CYTIP: variants seen among roughly 807,000 people sequenced by gnomAD.
CYTIP encodes cytohesin-interacting protein.
CYTIP carries 26 observed loss-of-function variants against 43.8 expected under a neutral mutation model. The observed-to-expected ratio is 0.59, with a 90% CI of 0.44 to 0.82. The LOEUF (loss-of-function observed/expected upper bound fraction) is 0.82, where lower values mean the gene tolerates loss of function less well. Ranked by LOEUF, CYTIP falls within the 40% of genes least tolerant of loss-of-function variation. CYTIP has a pLI of 0.00. For missense variants in CYTIP, 426 were observed against 443.1 expected, an observed-to-expected ratio of 0.96 and a Z score of 0.35; for synonymous variants, 162 against 162.9, an observed-to-expected ratio of 0.99 and a Z score of 0.04.
intron 2 of CYTIP, 93 bp downstream of exon 2, chr2:157,434,595 TAGAGAGAGAG>T (rs70987792): frequency 1.4e-5 from 10 of 705,984 alleles, no homozygotes; most frequent in Non-Finnish European, 2.2e-5. Context: ...TGTGTGTGCG[TAGAGAGAGAG>T]AGAGAGAGAG....
At position 157,415,147 on chromosome 2, in the gene CYTIP, T is replaced by C. The variant is rs75728962; in HGVS notation, c.*530A>G. ...CTTATACTTCCCGCTTTATTGTCAC[T>C]ATAGATGTGAGAAACAGCTGATGGT... is the stretch of plus-strand genomic sequence containing the variant. On this transcript the variant is annotated 3_prime_UTR_variant, in exon 8 of 8. Transcript: ENST00000264192. 0.011 allele frequency: 1,724 copies of C among 155,886 alleles called. 17 individuals carry two copies. The highest frequency in any genetic ancestry group is 0.017 in the Non-Finnish European group (1,204 of 70,200). 9.7% of individuals were successfully genotyped at this position (155,886 alleles called of 1,614,324 possible). A position where few individuals can be genotyped will look rare whatever the true frequency, so the allele number is the denominator to read the frequency against.
Position 157,415,796 on chromosome 2 carries a change from A to T in CYTIP, c.961T>A (p.Leu321Ile), listed in dbSNP as rs1286281904. ...GSMSPLWEGN[L>I]SSMFGTLPRK... ...GGCAGGGTCCCAAACATGCTTGATA[A>T]GTTGCCCTCCCACAAGGGAGACATG... The change falls in exon 8 of 8, where the codon TTA becomes ATA. Residue 321 changes from leucine (L) to isoleucine (I), a missense_variant. Physicochemically the swap from Leu to Ile is conservative, Grantham distance 5. Transcript: ENST00000264192. 5 of 1,614,184 alleles carry T rather than the reference A, an allele frequency of 3.1e-6. No homozygotes were observed. In the South Asian group the frequency reaches 5.5e-5, roughly 18 times the overall value.
Position 157,437,163 on chromosome 2 carries a change from T to A in CYTIP, c.175-2416A>T, listed in dbSNP as rs951306165. 7.9e-5 allele frequency among the ~76,000 whole-genome samples: 12 copies of A among 151,948 alleles called. No homozygotes were observed. The South Asian group carries it at 2.3e-3, about 29-fold the overall frequency. On this transcript the variant is annotated intron_variant, in intron 1 of 7. Transcript: ENST00000264192. ...TTTAGCATATTGGATTGGGAAAAAATTTTATGAATAAGACCTTCAAAAAAC... is the reference window on the plus strand; with the variant it reads ...TTTAGCATATTGGATTGGGAAAAAAATTTATGAATAAGACCTTCAAAAAAC...
intron 1 of CYTIP, among the ~76,000 whole-genome samples, chr2:157,440,705 A>C (rs1685895027): frequency 6.6e-6 from 1 of 152,176 alleles, no homozygotes; most frequent in African/African-American, 2.4e-5. Flanking sequence ...TAATGTGATA[A>C]CTAAAAGAAA....
chr2:157,435,017 A>G (rs961399492), intron 1 of CYTIP, among the ~76,000 whole-genome samples: 6 of 151,998 alleles, frequency 3.9e-5, no homozygotes, highest in African/African-American at 1.4e-4. Context: ...ACAGGATTCT[A>G]GGCATTCCAG....
intron 1 of CYTIP, among the ~76,000 whole-genome samples, chr2:157,441,867 T>C (rs933153186): frequency 6.6e-6 from 1 of 152,208 alleles, no homozygotes; most frequent in Non-Finnish European, 1.5e-5. Flanking sequence ...TAGTCTCTAC[T>C]CACTAATCCA....
In CYTIP at chr2:157,414,738, T is replaced by C. The variant is rs1367967502; in HGVS notation, c.*939A>G. ...ACTTCAATGGATATTAAATAAAACA[T>C]GGAGTAATTGAAAGGCTAGAAGTAA... On this transcript the variant is annotated 3_prime_UTR_variant, in exon 8 of 8. Transcript: ENST00000264192. 1.3e-5 allele frequency: 2 copies of C among 151,994 alleles called. No homozygotes were observed. Among genetic ancestry groups the C allele is most frequent in the East Asian group, 1.9e-4 (1 of 5,194 alleles). The allele number at this position is 151,994 out of a possible 1,614,324, so 9.4% of individuals were successfully genotyped here.
At chr2:157,418,874 T>C (rs1368023329) in intron 6 of CYTIP, among the ~76,000 whole-genome samples, 5 of 152,186 alleles carry the variant, frequency 3.3e-5, no homozygotes, top group Non-Finnish European at 7.4e-5. Context: ...AATAAGATTA[T>C]TTGGGTTTGT....
intron 1 of CYTIP, among the ~76,000 whole-genome samples, chr2:157,441,635 C>T (rs1400236199): frequency 1.6e-5 from 2 of 127,736 alleles, no homozygotes; most frequent in African/African-American, 5.8e-5. Flanking sequence ...CACACACACA[C>T]ACACGTGTAT....
chr2:157,419,261 G>A (rs1685483982), intron 6 of CYTIP, among the ~76,000 whole-genome samples: 1 of 152,146 alleles, frequency 6.6e-6, no homozygotes, highest in African/African-American at 2.4e-5. Context: ...GCTTCCCAAA[G>A]GGATTACAGG....
At chr2:157,424,775 T>A (rs1231233091) in intron 6 of CYTIP, among the ~76,000 whole-genome samples, 1 of 152,164 alleles carries the variant, frequency 6.6e-6, no homozygotes, top group African/African-American at 2.4e-5. Context: ...ATATAGATGA[T>A]CAAAGGACCA....
At chr2:157,420,931 T>C (rs1685512615) in intron 6 of CYTIP, among the ~76,000 whole-genome samples, 1 of 152,204 alleles carries the variant, frequency 6.6e-6, no homozygotes, top group African/African-American at 2.4e-5. Flanking sequence ...TATCTAAAAA[T>C]ACGAAGTCAG....
chr2:157,441,603 T>TAC (rs35513959), intron 1 of CYTIP, among the ~76,000 whole-genome samples: 54 of 148,630 alleles, frequency 3.6e-4, no homozygotes, highest in Middle Eastern at 3.4e-3. Context: ...TATATGCACA[T>TAC]ACACACACAC....
chr2:157,434,287 C>T, intron 3 of CYTIP, 83 bp downstream of exon 3: 1 of 1,112,896 alleles, frequency 9.0e-7, no homozygotes, highest in South Asian at 1.3e-5. Context: ...CTAATCCTAA[C>T]TTCATTTTTT....
chr2:157,428,291 C>T (rs955903699), intron 5 of CYTIP, among the ~76,000 whole-genome samples: 7 of 152,138 alleles, frequency 4.6e-5, no homozygotes, highest in African/African-American at 1.7e-4. Flanking sequence ...TTAAGCTGTA[C>T]CTCTCTATAA....
At chr2:157,426,754 C>A (rs781411891) in intron 6 of CYTIP, among the ~76,000 whole-genome samples, 3 of 152,052 alleles carry the variant, frequency 2.0e-5, no homozygotes, top group Non-Finnish European at 4.4e-5. Flanking sequence ...CCCTCATCAG[C>A]CCAGAAAACT....
intron 5 of CYTIP, 141 bp from the exon 6 acceptor site, chr2:157,427,561 A>T (rs1685633546): frequency 1.9e-6 from 1 of 515,376 alleles, no homozygotes; most frequent in East Asian, 3.5e-5. Flanking sequence ...TACAGTTCTC[A>T]TGGCACTTCG....
intron 6 of CYTIP, among the ~76,000 whole-genome samples, chr2:157,425,368 T>A (rs1367705912): frequency 3.9e-5 from 6 of 152,038 alleles, no homozygotes. Flanking sequence ...AGCAAACATA[T>A]CAAAACGAAC....
At chr2:157,427,443 A>G in intron 5 of CYTIP, 23 bp from the exon 6 acceptor site, 1 of 1,544,952 alleles carries the variant, frequency 6.5e-7, no homozygotes, top group Non-Finnish European at 8.8e-7. Flanking sequence ...AAAAAAAAAG[A>G]AGAGGAAGGT....
Sources: allele counts gnomAD v4.1 joint callset (sites outside exome capture counted in the v4.1 genomes callset), GRCh38; gene constraint gnomAD v4.1.1; transcripts MANE v1.5; gene names NCBI Gene and HGNC (gene_info 2026-07-23, HGNC 2026-07-21).